LYST: variants seen among roughly 807,000 people sequenced by gnomAD.
The protein encoded by LYST is lysosomal trafficking regulator.
Under a neutral mutation model 413.6 loss-of-function variants are expected in LYST, and 192 were observed. The ratio of observed to expected loss-of-function variants is 0.46; its 90% CI spans 0.41 to 0.52. The LOEUF is 0.52. Ranked by LOEUF, LYST falls within the 20% of genes least tolerant of loss-of-function variation. The pLI is 0.00. For synonymous variants in LYST, 1,525 were observed against 1,567.3 expected (o/e 0.97, Z 0.64); for missense variants, 3,815 against 4,499.9 (o/e 0.85, Z 4.35).
intron 1 of LYST, among the ~76,000 whole-genome samples, chr1:235,879,284 G>T (rs1210143791): frequency 6.6e-6 from 1 of 152,244 alleles, no homozygotes; most frequent in African/African-American, 2.4e-5. Context: ...TACATTTGCA[G>T]GTATGGGTGT....
At chr1:235,822,269 G>C (rs1270142313) in intron 3 of LYST, among the ~76,000 whole-genome samples, 1 of 152,140 alleles carries the variant, frequency 6.6e-6, no homozygotes, top group East Asian at 1.9e-4. Context: ...GAGAAACATG[G>C]ATTAGGGAAC....
intron 9 of LYST, 77 bp from the exon 10 acceptor site, chr1:235,800,463 T>C: frequency 1.2e-6 from 1 of 826,782 alleles, no homozygotes; most frequent in South Asian, 1.4e-5. Flanking sequence ...CATAATAAAT[T>C]CTATGATAGG....
chr1:235,798,578 T>TAAAAAAAAAAAAAA (rs71174462), intron 10 of LYST, among the ~76,000 whole-genome samples: 3 of 81,712 alleles, frequency 3.7e-5, no homozygotes, highest in African/African-American at 9.1e-5. Context: ...AACCCTGTCA[T>TAAAAAAAAAAAAAA]AAAAAAAAAA....
At chr1:235,798,107 C>A (rs1229620086) in intron 10 of LYST, among the ~76,000 whole-genome samples, 1 of 152,070 alleles carries the variant, frequency 6.6e-6, no homozygotes, top group Non-Finnish European at 1.5e-5. Context: ...AATTCTGATA[C>A]AGGGACATTC....
At chr1:235,859,500 G>A (rs1558354055) in intron 1 of LYST, among the ~76,000 whole-genome samples, 1 of 113,156 alleles carries the variant, frequency 8.8e-6, no homozygotes, top group Non-Finnish European at 1.7e-5. Context: ...TGAGCACCAG[G>A]CCTTTTTTTT....
chr1:235,712,017 G>A (rs1182540472), intron 43 of LYST, 40 bp downstream of exon 43: 50 of 1,457,878 alleles, frequency 3.4e-5, no homozygotes, highest in Non-Finnish European at 4.3e-5. Flanking sequence ...ATAACCACAA[G>A]CCCTCAGAAA....
chr1:235,736,420 T>C (rs1254869175), intron 31 of LYST: 3 of 152,088 alleles, frequency 2.0e-5, no homozygotes, highest in East Asian at 1.9e-4. Flanking sequence ...AATGAGGATA[T>C]AGATAGACAA....
intron 44 of LYST, among the ~76,000 whole-genome samples, chr1:235,707,880 G>A (rs1232543537): frequency 1.3e-5 from 2 of 151,770 alleles, no homozygotes; most frequent in East Asian, 3.9e-4. Context: ...TTTTGGGGGG[G>A]GATTTTGGAA....
chr1:235,778,601 C>T (rs1669550746), intron 16 of LYST, among the ~76,000 whole-genome samples: 1 of 151,122 alleles, frequency 6.6e-6, no homozygotes, highest in South Asian at 2.1e-4. Flanking sequence ...CTCGAACTGG[C>T]TGGTCTTGAA....
At position 235,808,947 on chromosome 1, in the gene LYST, C is replaced by G. The variant is rs769266670; in HGVS notation, c.1871G>C (p.Gly624Ala). The G allele has an allele frequency of 6.2e-7, 1 of 1,613,836 alleles. No individual in the cohort carries two copies. Among genetic ancestry groups the G allele is most frequent in the South Asian group, 1.1e-5 (1 of 91,072 alleles). ...ILNKLILDQL[G>A]GAEISPKIKK... ...AATTTTTGGTGATATCTCTGCTCCT[C>G]CTAACTGATCCAAAATAAGTTTGTT... The change falls in exon 5 of 53, where the codon GGA (glycine) becomes GCA (alanine). Residue 624 changes from glycine to alanine, a missense_variant. Physicochemically the swap from Gly to Ala is moderately conservative, Grantham distance 60. Around this residue, in one of 4 missense-constraint regions of LYST, gnomAD observed 1,648 missense variants for 1,810.3 expected, o/e 0.91. Coordinates refer to ENST00000389793, the MANE Select transcript of LYST (RefSeq NM_000081.4).
Position 235,755,612 on chromosome 1 carries a change from T to C in LYST, c.7095A>G (p.Glu2365=), listed in dbSNP as rs1666967835. ...GATTCTTCAGAAATTTATCTTTTTGTTCCTTAGATGCTCTAGCAAAATATG... is the reference window on the plus strand; with the variant it reads ...GATTCTTCAGAAATTTATCTTTTTGCTCCTTAGATGCTCTAGCAAAATATG... ...LDAYFARASK[E]QKDKFLKNRG... is the part of the protein sequence containing the mutation. Residue 2365 remains glutamate, a synonymous_variant, in exon 25 of 53, where the codon GAA becomes GAG. Transcript: ENST00000389793. 6.2e-7 allele frequency: 1 copy of C among 1,613,220 alleles called. No homozygotes were observed. Among genetic ancestry groups the C allele is most frequent in the Admixed American group, 1.7e-5 (1 of 60,022 alleles).
chr1:235,759,153 C>A lies in LYST; in HGVS notation c.6700G>T (p.Ala2234Ser). 1 of 1,614,172 alleles carries A rather than the reference C, an allele frequency of 6.2e-7. No homozygotes were observed. The highest frequency in any genetic ancestry group is 8.5e-7 in the Non-Finnish European group (1 of 1,180,018). Residue 2234 changes from alanine (A) to serine (S), a missense_variant, in exon 23 of 53, where the codon GCC becomes TCC. Ala to Ser is a moderately conservative substitution (Grantham distance 99). This residue lies in a region of LYST where 771 missense variants were observed against 837.1 expected (regional missense o/e 0.92). Coordinates refer to ENST00000389793, the MANE Select transcript of LYST (RefSeq NM_000081.4). Reference sequence around the variant, plus strand: ...GTGCTGTGGCTTCGCTGGAAGGAGGCCAATCCCTTTAGGTAATCAGGTCGG... The same window carrying A: ...GTGCTGTGGCTTCGCTGGAAGGAGGACAATCCCTTTAGGTAATCAGGTCGG... ...PRRPDYLKGL[A>S]SFQRSHSTIA...
Position 235,693,465 on chromosome 1 carries a change from G to C in LYST, c.10586C>G (p.Thr3529Arg). ...CAGGATGGCTGACCACTGAATGTCC[G>C]TACTGTTCATGCTTCTCACACCTCA... ...KEQGVRSMNS[T>R]DIQWSAILSW... Residue 3529 changes from threonine to arginine, a missense_variant, in exon 47 of 53, where the codon ACG (threonine) becomes AGG (arginine). Physicochemically the swap from Thr to Arg is moderately conservative, Grantham distance 71. Around this residue, in one of 4 missense-constraint regions of LYST, gnomAD observed 866 missense variants for 1,156.0 expected, o/e 0.75. Transcript: ENST00000389793. The C allele has an allele frequency of 6.2e-7, 1 of 1,613,600 alleles. No individual in the cohort carries two copies. The highest frequency in any genetic ancestry group is 2.2e-5 in the East Asian group (1 of 44,882).
upstream of LYST, among the ~76,000 whole-genome samples, chr1:235,871,897 G>A (rs1680941259): frequency 6.6e-6 from 1 of 152,110 alleles, no homozygotes; most frequent in South Asian, 2.1e-4. Flanking sequence ...CTACATGTCG[G>A]GGAGGAAATG....
chr1:235,785,891 T>G (rs1558241595), intron 14 of LYST, among the ~76,000 whole-genome samples: 1 of 152,210 alleles, frequency 6.6e-6, no homozygotes, highest in African/African-American at 2.4e-5. Context: ...CACAAGATGT[T>G]TCTTATTAAC....
rs1312366564 is a variant in LYST, at chr1:235,733,297, G to GCC, written c.8801+204_8801+205dup. On this transcript the variant is annotated intron_variant, in intron 34 of 52. Transcript: ENST00000389793. The stretch of plus-strand genomic sequence containing the variant: ...AATTTTACTATCTAGATGAGCTACT[G>GCC]CCCCCCTCATTACTTTTCTTCCTCA... Among the ~76,000 whole-genome samples, 3 of 151,098 alleles carry GCC rather than the reference G, an allele frequency of 2.0e-5. No homozygotes were observed. In the East Asian group the frequency reaches 5.8e-4, roughly 29 times the overall value.
chr1:235,669,546 G>A (rs1658759942), intron 50 of LYST, among the ~76,000 whole-genome samples: 1 of 152,196 alleles, frequency 6.6e-6, no homozygotes, highest in Non-Finnish European at 1.5e-5. Flanking sequence ...GCAATCAGAT[G>A]TTTCCACAGG....
At chr1:235,726,326 A>G (rs1184487067) in intron 38 of LYST, among the ~76,000 whole-genome samples, 1 of 152,082 alleles carries the variant, frequency 6.6e-6, no homozygotes, top group Non-Finnish European at 1.5e-5. Context: ...AATAATTTTT[A>G]TAAGTAGAGG....
chr1:235,812,124 CA>C (rs1252566843), intron 4 of LYST, among the ~76,000 whole-genome samples: 1 of 152,024 alleles, frequency 6.6e-6, no homozygotes, highest in East Asian at 1.9e-4. Flanking sequence ...ACTTTATAGA[CA>C]TATGATTTCT....
Sources: allele counts gnomAD v4.1 joint callset (sites outside exome capture counted in the v4.1 genomes callset), GRCh38; gene constraint gnomAD v4.1.1; regional missense constraint gnomAD v4.1.1; transcripts MANE v1.5; gene names NCBI Gene and HGNC (gene_info 2026-07-23, HGNC 2026-07-21).